FGGY: variants seen among roughly 807,000 people sequenced by gnomAD.
FGGY encodes the protein FGGY carbohydrate kinase domain-containing protein.
In FGGY, 72 loss-of-function variants were observed where a neutral mutation model predicts 71.3. The ratio of observed to expected loss-of-function variants is 1.01; its 90% CI spans 0.84 to 1.23. The LOEUF (loss-of-function observed/expected upper bound fraction) is 1.23. FGGY is among the 50% of genes most tolerant of loss of function. FGGY has a pLI of 0.00. For synonymous variants in FGGY, 251 were observed against 250.3 expected (o/e 1.00, Z -0.02); for missense variants, 668 against 682.3 (o/e 0.98, Z 0.23).
chr1:59,634,875 T>C (rs78430771), intron 10 of FGGY, among the ~76,000 whole-genome samples: 1 of 152,134 alleles, frequency 6.6e-6, no homozygotes, highest in African/African-American at 2.4e-5. Context: ...GCCTACCTGA[T>C]CATCCAGCTG....
At chr1:59,684,040 C>T (rs1196316188) in intron 14 of FGGY, among the ~76,000 whole-genome samples, 1 of 152,044 alleles carries the variant, frequency 6.6e-6, no homozygotes, top group Non-Finnish European at 1.5e-5. Flanking sequence ...GTGTAGGGGC[C>T]TCGATGGCCA....
At position 59,463,283 on chromosome 1, in the gene FGGY, A is replaced by G. The variant is rs189874525; in HGVS notation, c.670+6207A>G. ...ACTAAGCTTCATAAGTGAAGGAGAA[A>G]TAAAATCCTTTACACACAAGCAAAT... On this transcript the variant is annotated intron_variant, in intron 6 of 15. Coordinates refer to ENST00000303721, the MANE Select transcript of FGGY (RefSeq NM_018291.5). Among the ~76,000 whole-genome samples the G allele has an allele frequency of 1.2e-4, 18 of 152,332 alleles. No homozygotes were observed. The South Asian group carries it at 1.4e-3, about 12-fold the overall frequency.
chr1:59,376,354 A>C (rs766557824), intron 4 of FGGY, among the ~76,000 whole-genome samples: 1 of 152,212 alleles, frequency 6.6e-6, no homozygotes, highest in Non-Finnish European at 1.5e-5. Context: ...TCAGCTTGAT[A>C]CTTTGCCTTT....
At chr1:59,369,049 C>A (rs796774193) in intron 4 of FGGY, among the ~76,000 whole-genome samples, 19 of 152,288 alleles carry the variant, frequency 1.2e-4, no homozygotes, top group African/African-American at 4.6e-4. Context: ...TAGGGAGTGC[C>A]AGACAGTGGG....
chr1:59,679,235 T>C (rs972599224), intron 14 of FGGY, among the ~76,000 whole-genome samples: 29 of 152,360 alleles, frequency 1.9e-4, no homozygotes, highest in Admixed American at 6.5e-4. Context: ...TCACCTGTTA[T>C]GCATTTCAGA....
chr1:59,641,860 C>T (rs533941419), intron 11 of FGGY, among the ~76,000 whole-genome samples: 1 of 152,328 alleles, frequency 6.6e-6, no homozygotes, highest in South Asian at 2.1e-4. Context: ...TCGCCACCTT[C>T]TGCTCCCTTG....
In FGGY at chr1:59,721,337, G is replaced by GTTTTTTTTTTTTTTTTTTTTTTTTTT. The variant is rs71046339; in HGVS notation, c.1513-36575_1513-36574insTTTTTTTTTTTTTTTTTTTTTTTTTT. Among the ~76,000 whole-genome samples the GTTTTTTTTTTTTTTTTTTTTTTTTTT allele has an allele frequency of 1.9e-4, 20 of 105,364 alleles. 5 individuals carry two copies. The highest frequency in any genetic ancestry group is 1.6e-3 in the East Asian group (5 of 3,124). 69.1% of individuals were successfully genotyped at this position (105,364 alleles called of 152,430 possible). On this transcript the variant is annotated intron_variant, in intron 14 of 15. Transcript: ENST00000303721. Reference sequence around the variant, plus strand: ...AGAGAGTTTTTCTTTTCTTTCCTTTGTTTTTTTTTTTTTTTTTTTGAGACG... The same window carrying GTTTTTTTTTTTTTTTTTTTTTTTTTT: ...AGAGAGTTTTTCTTTTCTTTCCTTTGTTTTTTTTTTTTTTTTTTTTTTTTTTTTTTTTTTTTTTTTTTTTTGAGACG...
At chr1:59,451,551 A>ACGTG (rs2072726496) in intron 5 of FGGY, among the ~76,000 whole-genome samples, 3 of 152,056 alleles carry the variant, frequency 2.0e-5, no homozygotes, top group African/African-American at 7.2e-5. Context: ...ATATATACAT[A>ACGTG]TATGCAGGAA....
intron 5 of FGGY, among the ~76,000 whole-genome samples, chr1:59,414,667 A>G (rs2064095765): frequency 2.0e-5 from 3 of 151,954 alleles, no homozygotes; most frequent in Admixed American, 2.0e-4. Flanking sequence ...GGCTATCTAA[A>G]GTGGGGCTGG....
chr1:59,415,152 G>C (rs568055983), intron 5 of FGGY, among the ~76,000 whole-genome samples: 1 of 152,218 alleles, frequency 6.6e-6, no homozygotes, highest in South Asian at 2.1e-4. Flanking sequence ...CGTCTGGTGG[G>C]GCCAAGGGCA....
intron 7 of FGGY, among the ~76,000 whole-genome samples, chr1:59,524,046 G>A (rs988392708): frequency 3.9e-5 from 6 of 152,168 alleles, no homozygotes; most frequent in Admixed American, 6.5e-5. Context: ...GCATCCCTAC[G>A]CTCTCAGGGG....
intron 5 of FGGY, among the ~76,000 whole-genome samples, chr1:59,410,008 C>G (rs2063367550): frequency 6.6e-6 from 1 of 152,114 alleles, no homozygotes; most frequent in Non-Finnish European, 1.5e-5. Flanking sequence ...GGATTTGAGC[C>G]CAGGTCTGAT....
At chr1:59,298,017 T>C (rs575397929) in intron 1 of FGGY, among the ~76,000 whole-genome samples, 40 of 152,336 alleles carry the variant, frequency 2.6e-4, no homozygotes, top group African/African-American at 9.6e-4. Context: ...GCTTATTCTT[T>C]TGACTTGTAA....
chr1:59,592,577 C>A (rs2096463384), intron 8 of FGGY, among the ~76,000 whole-genome samples: 2 of 152,270 alleles, frequency 1.3e-5, no homozygotes, highest in Non-Finnish European at 2.9e-5. Context: ...AAATGTGGCA[C>A]ATATACACCA....
At position 59,457,007 on chromosome 1, in the gene FGGY, G is replaced by A. The variant is rs188071280; in HGVS notation, c.601G>A (p.Gly201Ser). 1.1e-4 allele frequency: 184 copies of A among 1,614,124 alleles called. No homozygotes were observed. The East Asian group carries it at 4.1e-3, about 36-fold the overall frequency. ...TAAGTGGACATATTCAGCAGAGAAA[G>A]GCTGGGACGACAGTTTCTGGAAAAT... ...VCKWTYSAEKGWDDSFWKMIG... is the reference protein window; with the variant it reads ...VCKWTYSAEKSWDDSFWKMIG... The change falls in exon 6 of 16, where the codon GGC becomes AGC. Residue 201 changes from glycine (G) to serine (S), a missense_variant. Coordinates refer to ENST00000303721, the MANE Select transcript of FGGY (RefSeq NM_018291.5).
At chr1:59,500,172 C>T (rs1288646291) in intron 6 of FGGY, among the ~76,000 whole-genome samples, 1 of 152,118 alleles carries the variant, frequency 6.6e-6, no homozygotes, top group East Asian at 1.9e-4. Flanking sequence ...GAGCAAATTC[C>T]AGGGTATGCT....
At chr1:59,607,752 C>T in intron 8 of FGGY, 51 bp from the exon 9 acceptor site, 11 of 1,410,966 alleles carry the variant, frequency 7.8e-6, no homozygotes, top group Non-Finnish European at 1.1e-5. Flanking sequence ...AGAACCCTTC[C>T]CCTACCCCTG....
chr1:59,660,449 G>A (rs1202843961), intron 12 of FGGY, 156 bp downstream of exon 12: 7 of 514,166 alleles, frequency 1.4e-5, no homozygotes, highest in Non-Finnish European at 2.3e-5. Flanking sequence ...GGAAGGAAGT[G>A]TTGATGAAAG....
chr1:59,491,297 G>A (rs1164877283), intron 6 of FGGY, among the ~76,000 whole-genome samples: 1 of 151,392 alleles, frequency 6.6e-6, no homozygotes, highest in Non-Finnish European at 1.5e-5. Flanking sequence ...CGTTGAGTGT[G>A]TAGGTTGCTT....
Sources: gnomAD v4.1 joint callset for allele counts (sites outside exome capture counted in the v4.1 genomes callset) on GRCh38, gnomAD v4.1.1 for gene constraint, MANE v1.5 for transcripts, NCBI Gene and HGNC (gene_info 2026-07-23, HGNC 2026-07-21) for gene names.